TENM2: variants seen among roughly 807,000 people sequenced by gnomAD.
TENM2 encodes the protein teneurin transmembrane protein 2, also known as teneurin-2.
In TENM2, 52 loss-of-function variants were observed where a neutral mutation model predicts 245.2. The observed-to-expected ratio is 0.21, with a 90% CI of 0.17 to 0.27. The LOEUF is 0.27. Among genes scored for constraint, TENM2 ranks in the 10% least tolerant of loss-of-function variants. The pLI, the probability that TENM2 is intolerant of heterozygous loss-of-function variation, is 1.00. For missense variants in TENM2, 3,046 were observed against 3,666.8 expected, an observed-to-expected ratio of 0.83 and a Z score of 4.37; for synonymous variants, 1,363 against 1,438.9, an observed-to-expected ratio of 0.95 and a Z score of 1.19.
At position 167,555,836 on chromosome 5, in the gene TENM2, TG is replaced by T. The variant is rs200766221; in HGVS notation, c.502+180364del. Among the ~76,000 whole-genome samples, 1,111 of 152,260 alleles carry T rather than the reference TG, an allele frequency of 7.3e-3. 13 individuals carry two copies. The highest frequency in any genetic ancestry group is 0.025 in the African/African-American group (1,051 of 41,548). On this transcript the variant is annotated intron_variant, in intron 2 of 28. Coordinates refer to ENST00000518659, the Ensembl canonical transcript of TENM2. The stretch of plus-strand genomic sequence containing the variant: ...AGCTCCAAAGCTGCACGGCACCCTC[TG>T]AAATGAGCTTGGTCGAGCCTTTTCA...
intron 22 of TENM2, 148 bp downstream of exon 24, chr5:168,217,070 G>A: frequency 1.2e-6 from 1 of 824,652 alleles, no homozygotes; most frequent in African/African-American, 1.7e-5. Flanking sequence ...CCTGAGATGA[G>A]CTAAACAGTA....
the TENM2 span, among the ~76,000 whole-genome samples, chr5:167,043,503 T>C: frequency 1.3e-5 from 2 of 151,982 alleles, no homozygotes; most frequent in Non-Finnish European, 2.9e-5. Context: ...AAATAAAAAT[T>C]GGGTGTGCAG....
At chr5:167,575,719 T>C (rs1444943637) in intron 2 of TENM2, among the ~76,000 whole-genome samples, 2 of 152,136 alleles carry the variant, frequency 1.3e-5, no homozygotes, top group Non-Finnish European at 2.9e-5. Context: ...GTTGAAAGAA[T>C]AGGGAAAGAT....
At chr5:168,162,889 C>A in intron 13 of TENM2, 132 bp downstream of exon 15, 2 of 1,127,316 alleles carry the variant, frequency 1.8e-6, no homozygotes, top group Non-Finnish European at 2.5e-6. Flanking sequence ...TTCTTTGAAG[C>A]AAATGCAGCA....
the TENM2 span, among the ~76,000 whole-genome samples, chr5:167,050,538 A>G: frequency 1.4e-4 from 22 of 152,204 alleles, no homozygotes; most frequent in African/African-American, 5.3e-4. Context: ...TCCTGAGGTC[A>G]GTGAAGAATA....
chr5:167,164,868 T>A, the TENM2 span: 1 of 152,184 alleles, frequency 6.6e-6, no homozygotes, highest in Admixed American at 6.5e-5. Context: ...CAGTCTTATA[T>A]TACAATGTGT....
chr5:167,902,328 C>G (rs1775769750), intron 3 of TENM2, among the ~76,000 whole-genome samples: 1 of 152,172 alleles, frequency 6.6e-6, no homozygotes, highest in Admixed American at 6.5e-5. Context: ...ACTGTCTTCT[C>G]AAGGTGTGGA....
At chr5:167,453,029 G>A (rs550197791) in intron 2 of TENM2, among the ~76,000 whole-genome samples, 1 of 142,328 alleles carries the variant, frequency 7.0e-6, no homozygotes, top group African/African-American at 2.6e-5. Flanking sequence ...TGAGTGGGTA[G>A]TTGAATGAGA....
chr5:167,365,234 A>G (rs1270781063), intron 1 of TENM2, among the ~76,000 whole-genome samples: 1 of 152,048 alleles, frequency 6.6e-6, no homozygotes, highest in Non-Finnish European at 1.5e-5. Flanking sequence ...AAATTTTGGA[A>G]CTGAATGATT....
At chr5:167,876,275 AAACAAGGGC>A in intron 3 of TENM2, 80 bp downstream of exon 5, 2 of 1,221,644 alleles carry the variant, frequency 1.6e-6, no homozygotes, top group Non-Finnish European at 2.3e-6. Context: ...GACAATGCTG[AAACAAGGGC>A]TGGGGGAAGG....
chr5:167,851,440 C>A (rs184420817), intron 2 of TENM2, among the ~76,000 whole-genome samples: 8 of 152,210 alleles, frequency 5.3e-5, no homozygotes, highest in African/African-American at 1.7e-4. Flanking sequence ...CGGTTTCATG[C>A]ACTATTGAAA....
chr5:167,040,241 TTACAATTTCAGTG>T, the TENM2 span, among the ~76,000 whole-genome samples: 1 of 152,052 alleles, frequency 6.6e-6, no homozygotes, highest in African/African-American at 2.4e-5. Context: ...TGATTGCTGT[TTACAATTTCAGTG>T]TAGTGCTCAG....
intron 2 of TENM2, among the ~76,000 whole-genome samples, chr5:167,436,886 C>T (rs751391601): frequency 1.5e-4 from 23 of 152,162 alleles, no homozygotes; most frequent in Admixed American, 3.3e-4. Context: ...TGGGAACCTC[C>T]GCCTACATTT....
intron 13 of TENM2, among the ~76,000 whole-genome samples, chr5:168,170,326 A>C (rs1758690783): frequency 6.6e-6 from 1 of 152,146 alleles, no homozygotes; most frequent in African/African-American, 2.4e-5. Flanking sequence ...CAATATGGTG[A>C]AACTCTGTCT....
chr5:168,199,928 C>G (rs1217642031), exon 17 of TENM2: 4 of 1,614,006 alleles, frequency 2.5e-6, no homozygotes, highest in Non-Finnish European at 3.4e-6. Context: ...AGCTCTAGAA[C>G]TGCAGGGTAC....
chr5:168,050,347 A>G (rs1581164046), intron 6 of TENM2, among the ~76,000 whole-genome samples: 1 of 152,204 alleles, frequency 6.6e-6, no homozygotes, highest in East Asian at 1.9e-4. Context: ...TTGTATACCC[A>G]GTGACCTCCG....
At chr5:167,300,854 TGTCTCG>T (rs1755269629) in intron 1 of TENM2, among the ~76,000 whole-genome samples, 1 of 152,016 alleles carries the variant, frequency 6.6e-6, no homozygotes, top group East Asian at 1.9e-4. Flanking sequence ...TTAGTTAAAG[TGTCTCG>T]GCCTAATAAG....
chr5:167,945,321 C>T (rs1307044172), intron 3 of TENM2, among the ~76,000 whole-genome samples: 2 of 151,118 alleles, frequency 1.3e-5, no homozygotes, highest in Non-Finnish European at 3.0e-5. Context: ...ATCAAGCACC[C>T]GGGGGGGGCA....
At chr5:167,411,571 A>AGTGTGT (rs1172692589) in intron 2 of TENM2, among the ~76,000 whole-genome samples, 1 of 101,076 alleles carries the variant, frequency 9.9e-6, no homozygotes, top group Admixed American at 9.7e-5. Flanking sequence ...TATGTAGGTG[A>AGTGTGT]GAGTGTGTGT....
Sources: gnomAD v4.1 joint callset for allele counts (sites outside exome capture counted in the v4.1 genomes callset) on GRCh38, gnomAD v4.1.1 for gene constraint, MANE v1.5 for transcripts, NCBI Gene and HGNC (gene_info 2026-07-23, HGNC 2026-07-21) for gene names.